Variants in RABGAP1 observed in about 807,000 individuals in gnomAD.
RABGAP1 encodes the protein rab GTPase-activating protein 1.
A neutral mutation model predicts 137.6 loss-of-function variants in RABGAP1; 23 were observed. That is an observed-to-expected ratio of 0.17 (90% CI 0.12 to 0.24). RABGAP1 has a LOEUF of 0.24. Among genes scored for constraint, RABGAP1 ranks in the 10% least tolerant of loss-of-function variants. The pLI is 1.00. For synonymous variants in RABGAP1, 451 were observed against 450.7 expected (o/e 1.00, Z -0.01); for missense variants, 906 against 1,275.8 (o/e 0.71, Z 4.42).
chr9:122,965,187 A>G (rs1422432690), intron 2 of RABGAP1, among the ~76,000 whole-genome samples: 2 of 152,202 alleles, frequency 1.3e-5, no homozygotes, highest in African/African-American at 2.4e-5. Context: ...TACTACATAG[A>G]TGAACCTTAA....
intron 13 of RABGAP1, chr9:123,061,928 A>G (rs1197772086): frequency 2.0e-5 from 3 of 152,234 alleles, no homozygotes; most frequent in South Asian, 2.1e-4. Flanking sequence ...CATGTGTTGC[A>G]TTGGCAGGCT....
At chr9:122,966,663 C>A (rs1835167949) in intron 2 of RABGAP1, among the ~76,000 whole-genome samples, 2 of 152,224 alleles carry the variant, frequency 1.3e-5, no homozygotes, top group South Asian at 4.2e-4. Context: ...GAGAAATCAG[C>A]AGAAAAAACT....
chr9:123,052,679 C>T (rs2033535737), intron 13 of RABGAP1, among the ~76,000 whole-genome samples: 1 of 152,186 alleles, frequency 6.6e-6, no homozygotes, highest in African/African-American at 2.4e-5. Flanking sequence ...CCTGTAATCC[C>T]AGCACTTTGG....
intron 10 of RABGAP1, among the ~76,000 whole-genome samples, chr9:123,006,307 C>A (rs1252678766): frequency 6.6e-6 from 1 of 152,160 alleles, no homozygotes; most frequent in Non-Finnish European, 1.5e-5. Context: ...TGTTACTCTC[C>A]TGTTACTTAT....
At chr9:122,954,340 A>G (rs1358178191) in intron 1 of RABGAP1, among the ~76,000 whole-genome samples, 1 of 152,208 alleles carries the variant, frequency 6.6e-6, no homozygotes. Context: ...ATCTTATTGT[A>G]TAATTTTTCC....
intron 13 of RABGAP1, among the ~76,000 whole-genome samples, chr9:123,037,384 T>G (rs1330770727): frequency 6.6e-6 from 1 of 152,216 alleles, no homozygotes; most frequent in African/African-American, 2.4e-5. Context: ...TTGCTTGCTC[T>G]TTATGTTTAG....
At chr9:123,012,202 A>C (rs2030867782) in intron 11 of RABGAP1, among the ~76,000 whole-genome samples, 1 of 152,210 alleles carries the variant, frequency 6.6e-6, no homozygotes, top group African/African-American at 2.4e-5. Flanking sequence ...GAGCCAATTT[A>C]AGTCATATGT....
intron 1 of RABGAP1, chr9:122,945,340 A>T (rs1282160175): frequency 6.6e-6 from 1 of 151,860 alleles, no homozygotes; most frequent in Non-Finnish European, 1.5e-5. Context: ...AGACTGACCA[A>T]ATATGGAAGT....
intron 13 of RABGAP1, among the ~76,000 whole-genome samples, chr9:123,059,896 A>G (rs1304078951): frequency 1.3e-5 from 2 of 152,262 alleles, no homozygotes; most frequent in Non-Finnish European, 2.9e-5. Context: ...AAAGCGACTA[A>G]GACAATCATT....
intron 13 of RABGAP1, chr9:123,062,633 A>T (rs901736618): frequency 6.6e-6 from 1 of 152,218 alleles, no homozygotes; most frequent in African/African-American, 2.4e-5. Flanking sequence ...ACCTTCTTTT[A>T]AGGGCATTTT....
intron 10 of RABGAP1, among the ~76,000 whole-genome samples, chr9:123,008,409 G>A (rs959970556): frequency 6.6e-6 from 1 of 152,048 alleles, no homozygotes; most frequent in African/African-American, 2.4e-5. Flanking sequence ...GCTGGGCATA[G>A]TGGCGGGCTC....
intron 2 of RABGAP1, among the ~76,000 whole-genome samples, chr9:122,964,056 A>C (rs1040315290): frequency 6.6e-6 from 1 of 152,228 alleles, no homozygotes; most frequent in African/African-American, 2.4e-5. Context: ...ATCTATAACA[A>C]AGAGATTGAA....
At chr9:123,026,697 TGTTTG>T (rs2031991127) in intron 13 of RABGAP1, among the ~76,000 whole-genome samples, 1 of 152,216 alleles carries the variant, frequency 6.6e-6, no homozygotes, top group African/African-American at 2.4e-5. Flanking sequence ...TTCTTACAGC[TGTTTG>T]GATCTTGTGA....
At chr9:123,077,426 A>G (rs1168287939) in intron 19 of RABGAP1, among the ~76,000 whole-genome samples, 1 of 152,152 alleles carries the variant, frequency 6.6e-6, no homozygotes, top group Non-Finnish European at 1.5e-5. Context: ...TGCTGGAATT[A>G]CAGGAGTGAG....
intron 13 of RABGAP1, among the ~76,000 whole-genome samples, chr9:123,033,046 T>A (rs760423226): frequency 9.2e-5 from 14 of 152,224 alleles, no homozygotes; most frequent in Non-Finnish European, 2.1e-4. Flanking sequence ...TCTGTGCTAT[T>A]TGTGTAGTAT....
At chr9:122,938,139 C>T (rs1160923623), upstream of RABGAP1, 1 of 152,114 alleles carries the variant, frequency 6.6e-6, no homozygotes, top group Non-Finnish European at 1.5e-5. Flanking sequence ...CCCGCGGAAC[C>T]CTGTTCCTTC....
chr9:123,100,613 G>T (rs1472007834), intron 24 of RABGAP1, among the ~76,000 whole-genome samples: 3 of 152,112 alleles, frequency 2.0e-5, no homozygotes, highest in Non-Finnish European at 4.4e-5. Context: ...TAGAGGTAGG[G>T]TTTCACCATC....
At chr9:123,013,338 CT>C (rs34037664) in intron 11 of RABGAP1, among the ~76,000 whole-genome samples, 8 of 147,468 alleles carry the variant, frequency 5.4e-5, no homozygotes, top group African/African-American at 1.0e-4. Flanking sequence ...TTGAGCCTTT[CT>C]TTTTTTTTTT....
At chr9:123,003,165 A>G (rs943455591) in intron 10 of RABGAP1, among the ~76,000 whole-genome samples, 4 of 152,204 alleles carry the variant, frequency 2.6e-5, no homozygotes, top group African/African-American at 4.8e-5. Context: ...TGGCATTAAA[A>G]AGTATTTGAG....
Sources: gnomAD v4.1 joint callset for allele counts (sites outside exome capture counted in the v4.1 genomes callset) on GRCh38, gnomAD v4.1.1 for gene constraint, MANE v1.5 for transcripts, NCBI Gene and HGNC (gene_info 2026-07-23, HGNC 2026-07-21) for gene names.